The following KLF12 variants were observed in gnomAD, a reference collection of about 807,000 sequenced individuals.
KLF12 encodes the protein Krueppel-like factor 12.
A neutral mutation model predicts 37.8 loss-of-function variants in KLF12; 9 were observed. The observed-to-expected ratio is 0.24, with a 90% CI of 0.14 to 0.42. The LOEUF is 0.42. Among genes scored for constraint, KLF12 ranks in the 10% least tolerant of loss-of-function variants. The probability of loss-of-function intolerance (pLI) is 1.00; values close to 1 mark genes in which losing one functional copy is unlikely to be tolerated. For missense variants in KLF12, 411 were observed against 516.0 expected (o/e 0.80, Z 1.97); for synonymous variants, 208 against 202.1 (o/e 1.03, Z -0.25).
At chr13:74,134,656 T>G (rs1878469731), upstream of KLF12, among the ~76,000 whole-genome samples, 1 of 149,158 alleles carries the variant, frequency 6.7e-6, no homozygotes. Context: ...GCTCGGGGAG[T>G]CGTCGGCCGA....
chr13:73,704,065 A>G (rs1874745350), intron 7 of KLF12, among the ~76,000 whole-genome samples: 1 of 152,200 alleles, frequency 6.6e-6, no homozygotes, highest in South Asian at 2.1e-4. Flanking sequence ...TTCTTTTCCT[A>G]TGTGACTGGT....
chr13:73,995,170 A>G (rs1448033714), intron 1 of KLF12, 117 bp from the exon 2 acceptor site: 1 of 658,458 alleles, frequency 1.5e-6, no homozygotes, highest in Non-Finnish European at 2.6e-6. Flanking sequence ...GTGATCATAG[A>G]GCTGAGGAAT....
chr13:73,753,405 A>C (rs1878922079), intron 6 of KLF12, among the ~76,000 whole-genome samples: 1 of 152,060 alleles, frequency 6.6e-6, no homozygotes, highest in Non-Finnish European at 1.5e-5. Context: ...TTCTGGCCAA[A>C]CCCCTTGGAT....
rs191014749 is a variant in KLF12, at chr13:74,110,224, G to A, written c.-32+23515C>T. On this transcript the variant is annotated intron_variant, in intron 1 of 7. Coordinates refer to ENST00000377669, the MANE Select transcript of KLF12 (RefSeq NM_007249.5). ...ATACACACCCAACACTTCCTGCCTCGCCCAGAGCTCAAGTTGCTTCCTATG... is the reference window on the plus strand; with the variant it reads ...ATACACACCCAACACTTCCTGCCTCACCCAGAGCTCAAGTTGCTTCCTATG... 3.1e-3 allele frequency among the ~76,000 whole-genome samples: 476 copies of A among 152,124 alleles called. 1 individual carries two copies. The highest frequency in any genetic ancestry group is 0.011 in the African/African-American group (457 of 41,492).
intron 6 of KLF12, among the ~76,000 whole-genome samples, chr13:73,718,865 A>G (rs1046253770): frequency 5.3e-5 from 8 of 152,290 alleles, no homozygotes; most frequent in African/African-American, 1.9e-4. Flanking sequence ...CTGCACTCCA[A>G]TCTGGGTGAA....
intron 1 of KLF12, among the ~76,000 whole-genome samples, chr13:74,000,436 T>C (rs1892245796): frequency 6.6e-6 from 1 of 152,180 alleles, no homozygotes; most frequent in South Asian, 2.1e-4. Context: ...TAATAACCCA[T>C]ATTCAATAAA....
intron 2 of KLF12, among the ~76,000 whole-genome samples, chr13:73,957,007 A>G (rs1890858305): frequency 7.6e-6 from 1 of 132,200 alleles, no homozygotes; most frequent in Non-Finnish European, 1.6e-5. Context: ...GAGGGAAAGG[A>G]AAGGAAAAGA....
At chr13:74,200,189 C>CG in the KLF12 span, among the ~76,000 whole-genome samples, 283 of 151,028 alleles carry the variant, frequency 1.9e-3, 4 homozygotes, top group African/African-American at 6.7e-3. Context: ...TAAGCTTGCT[C>CG]AGGGGGGGGG....
the KLF12 span, among the ~76,000 whole-genome samples, chr13:74,224,729 C>T: frequency 9.2e-5 from 14 of 152,080 alleles, no homozygotes; most frequent in Admixed American, 9.2e-4. Context: ...GTCTTATAAC[C>T]AGTTCTTAAT....
chr13:74,102,323 C>T (rs539608090), intron 1 of KLF12, among the ~76,000 whole-genome samples: 8 of 151,988 alleles, frequency 5.3e-5, no homozygotes, highest in African/African-American at 9.7e-5. Context: ...CTCCTGATAG[C>T]ACTAAACAAT....
the KLF12 span, among the ~76,000 whole-genome samples, chr13:74,217,384 A>G: frequency 2.0e-5 from 3 of 152,064 alleles, no homozygotes; most frequent in Non-Finnish European, 4.4e-5. Flanking sequence ...AAAGTATAAA[A>G]TGTCCTCCAC....
intron 5 of KLF12, among the ~76,000 whole-genome samples, chr13:73,782,899 T>G (rs549337155): frequency 6.6e-6 from 1 of 152,312 alleles, no homozygotes; most frequent in Admixed American, 6.5e-5. Flanking sequence ...GTGTCATCAA[T>G]CTGAATGGGG....
At chr13:73,778,700 A>T (rs1276821576) in intron 5 of KLF12, among the ~76,000 whole-genome samples, 1 of 152,054 alleles carries the variant, frequency 6.6e-6, no homozygotes, top group Non-Finnish European at 1.5e-5. Flanking sequence ...CTCACCAAAC[A>T]ACAGCCTGTC....
At chr13:73,778,414 G>A (rs1411668211) in intron 5 of KLF12, among the ~76,000 whole-genome samples, 3 of 152,210 alleles carry the variant, frequency 2.0e-5, no homozygotes, top group African/African-American at 7.2e-5. Flanking sequence ...AGGCTGGAGC[G>A]CACGTGGTGC....
the KLF12 span, among the ~76,000 whole-genome samples, chr13:74,219,397 A>G: frequency 6.6e-6 from 1 of 152,222 alleles, no homozygotes; most frequent in Non-Finnish European, 1.5e-5. Context: ...TAATCCTCTT[A>G]ATACAAACTA....
At chr13:73,932,754 AAG>A (rs1295895188) in intron 3 of KLF12, among the ~76,000 whole-genome samples, 1 of 152,196 alleles carries the variant, frequency 6.6e-6, no homozygotes, top group East Asian at 1.9e-4. Flanking sequence ...ATTAAGGTGA[AAG>A]AGTGATTCAA....
chr13:74,188,771 G>A, the KLF12 span, among the ~76,000 whole-genome samples: 1 of 152,134 alleles, frequency 6.6e-6, no homozygotes, highest in Non-Finnish European at 1.5e-5. Flanking sequence ...CGAGGCAGGT[G>A]GATCACTTGA....
chr13:73,995,308 G>A (rs1409338797), intron 1 of KLF12, among the ~76,000 whole-genome samples: 1 of 151,970 alleles, frequency 6.6e-6, no homozygotes, highest in Non-Finnish European at 1.5e-5. Flanking sequence ...TTAAGACCTA[G>A]ACAAAAATGA....
chr13:74,133,181 C>T (rs1878356544), intron 1 of KLF12, among the ~76,000 whole-genome samples: 2 of 152,160 alleles, frequency 1.3e-5, no homozygotes, highest in African/African-American at 4.8e-5. Context: ...GAGCACTATT[C>T]ATGCCAGCAG....
Sources: gnomAD v4.1 joint callset for allele counts (sites outside exome capture counted in the v4.1 genomes callset) on GRCh38, gnomAD v4.1.1 for gene constraint, MANE v1.5 for transcripts, NCBI Gene and HGNC (gene_info 2026-07-23, HGNC 2026-07-21) for gene names.